The following GRIN3A variants were observed in gnomAD, a reference collection of about 807,000 sequenced individuals.
GRIN3A encodes glutamate ionotropic receptor NMDA type subunit 3A.
In GRIN3A, 47 loss-of-function variants were observed where a neutral mutation model predicts 92.4. The observed-to-expected ratio is 0.51, with a 90% CI of 0.40 to 0.65. The LOEUF (loss-of-function observed/expected upper bound fraction) is 0.65. Among genes scored for constraint, GRIN3A ranks in the 30% least tolerant of loss-of-function variants. The pLI, the probability that GRIN3A is intolerant of heterozygous loss-of-function variation, is 0.00. For synonymous variants in GRIN3A, 527 were observed against 540.6 expected (o/e 0.97, Z 0.35); for missense variants, 1,324 against 1,393.1 (o/e 0.95, Z 0.79).
intron 1 of GRIN3A, among the ~76,000 whole-genome samples, chr9:101,713,040 A>G (rs1365044200): frequency 6.6e-6 from 1 of 152,148 alleles, no homozygotes; most frequent in Admixed American, 6.5e-5. Context: ...AACCCAGGTA[A>G]TCTGGGTCTT....
rs28504973 is a variant in GRIN3A, at chr9:101,621,241, A to T, written c.2614+2077T>A. Among the ~76,000 whole-genome samples, 1,094 of 151,182 alleles carry T rather than the reference A, an allele frequency of 7.2e-3. 12 individuals carry two copies. Among genetic ancestry groups the T allele is most frequent in the African/African-American group, 0.026 (1,054 of 41,166 alleles). ...CAGAGGTTGCAGTGAGCTGAGATTGAGCCACTGCACTCCAGCCTGGATGAT... is the reference window on the plus strand; with the variant it reads ...CAGAGGTTGCAGTGAGCTGAGATTGTGCCACTGCACTCCAGCCTGGATGAT... On this transcript the variant is annotated intron_variant, in intron 5 of 8. Coordinates refer to ENST00000361820, the MANE Select transcript of GRIN3A (RefSeq NM_133445.3).
At chr9:101,635,492 C>T (rs1216027712) in intron 3 of GRIN3A, among the ~76,000 whole-genome samples, 2 of 152,208 alleles carry the variant, frequency 1.3e-5, no homozygotes, top group African/African-American at 4.8e-5. Context: ...TTGAATCTAA[C>T]TAGCTTCTTG....
At chr9:101,695,199 T>G (rs886980440) in intron 1 of GRIN3A, among the ~76,000 whole-genome samples, 2 of 152,172 alleles carry the variant, frequency 1.3e-5, no homozygotes, top group Non-Finnish European at 2.9e-5. Context: ...CTAAGAGACC[T>G]GATGTGCAAG....
intron 6 of GRIN3A, among the ~76,000 whole-genome samples, chr9:101,604,526 G>A (rs1294608764): frequency 1.3e-5 from 2 of 152,206 alleles, no homozygotes; most frequent in East Asian, 3.9e-4. Flanking sequence ...CAGCTGTCAA[G>A]GTGGCTCTTG....
At chr9:101,651,207 C>G (rs905339535) in intron 3 of GRIN3A, among the ~76,000 whole-genome samples, 2 of 151,880 alleles carry the variant, frequency 1.3e-5, no homozygotes, top group Admixed American at 1.3e-4. Flanking sequence ...TAGTTAGGGT[C>G]CTTGGGTCAG....
At chr9:101,630,479 C>T (rs1828696551) in intron 3 of GRIN3A, among the ~76,000 whole-genome samples, 1 of 152,198 alleles carries the variant, frequency 6.6e-6, no homozygotes, top group Admixed American at 6.5e-5. Flanking sequence ...TGTCTATCAT[C>T]TTTTTACATA....
rs745454499 is a variant in GRIN3A, at chr9:101,671,055, C to G, written c.1357G>C (p.Gly453Arg). 1.9e-6 allele frequency: 3 copies of G among 1,613,720 alleles called. No homozygotes were observed. In the South Asian group the frequency reaches 3.3e-5, roughly 18 times the overall value. Residue 453 changes from glycine to arginine, a missense_variant, in exon 3 of 9, where the codon GGT (glycine) becomes CGT (arginine). Gly to Arg is a moderately radical substitution (Grantham distance 125, BLOSUM62 -2). Coordinates refer to ENST00000361820, the MANE Select transcript of GRIN3A (RefSeq NM_133445.3). Reference protein sequence around the residue: ...RGLSGSIRVKGSTIVSSENNF... With the variant: ...RGLSGSIRVKRSTIVSSENNF... The stretch of plus-strand genomic sequence containing the variant: ...TTTTCTGAGCTGACGATGGTGGAAC[C>G]TTTTACTCTGATGGAACCACTGAGG...
At chr9:101,691,754 T>G (rs1829623724) in intron 1 of GRIN3A, among the ~76,000 whole-genome samples, 1 of 152,150 alleles carries the variant, frequency 6.6e-6, no homozygotes. Flanking sequence ...GGGGCCACTG[T>G]CTTCTTCAGC....
chr9:101,711,123 A>G (rs1183864319), intron 1 of GRIN3A, among the ~76,000 whole-genome samples: 1 of 152,122 alleles, frequency 6.6e-6, no homozygotes, highest in Non-Finnish European at 1.5e-5. Context: ...ATGTGATGAG[A>G]TGAAGTGAGG....
Position 101,686,863 on chromosome 9 carries a change from C to G in GRIN3A, c.1037G>C (p.Gly346Ala). 1 of 1,614,216 alleles carries G rather than the reference C, an allele frequency of 6.2e-7. No individual in the cohort carries two copies. The highest frequency in any genetic ancestry group is 8.5e-7 in the Non-Finnish European group (1 of 1,180,046). The change falls in exon 2 of 9, where the codon GGG becomes GCG. Residue 346 changes from glycine (G) to alanine (A), a missense_variant. By Grantham distance (60) the Gly-to-Ala change is moderately conservative (BLOSUM62 0). Transcript: ENST00000361820. Reference protein sequence around the residue: ...RRIFEITTQFGVMPPELRWVL... With the variant: ...RRIFEITTQFAVMPPELRWVL... ...CCAACGAAGTTCAGGGGGCATGACCCCAAACTGGGTTGTAATTTCGAAAAT... is the reference window on the plus strand; with the variant it reads ...CCAACGAAGTTCAGGGGGCATGACCGCAAACTGGGTTGTAATTTCGAAAAT...
intron 3 of GRIN3A, among the ~76,000 whole-genome samples, chr9:101,633,067 G>A (rs973814804): frequency 2.0e-5 from 3 of 152,162 alleles, no homozygotes; most frequent in African/African-American, 7.2e-5. Flanking sequence ...CCTACATGGA[G>A]AATAATCAGA....
intron 1 of GRIN3A, among the ~76,000 whole-genome samples, chr9:101,719,141 G>A (rs1447861424): frequency 3.3e-5 from 5 of 152,100 alleles, no homozygotes; most frequent in African/African-American, 1.2e-4. Context: ...GTGGTGGGCC[G>A]GGCGCAGTGG....
chr9:101,702,319 T>A (rs1245353898), intron 1 of GRIN3A, among the ~76,000 whole-genome samples: 2 of 152,148 alleles, frequency 1.3e-5, no homozygotes, highest in African/African-American at 2.4e-5. Flanking sequence ...AAAATTTTTT[T>A]ATTTATTCAC....
At chr9:101,703,269 G>A (rs1829776189) in intron 1 of GRIN3A, among the ~76,000 whole-genome samples, 1 of 152,122 alleles carries the variant, frequency 6.6e-6, no homozygotes, top group Admixed American at 6.5e-5. Context: ...CCACCCACGT[G>A]GTCCCAAAGC....
At chr9:101,634,761 G>A (rs1266617432) in intron 3 of GRIN3A, among the ~76,000 whole-genome samples, 1 of 152,092 alleles carries the variant, frequency 6.6e-6, no homozygotes, top group African/African-American at 2.4e-5. Context: ...TATTTGTGCT[G>A]CAACTTCAGA....
At chr9:101,661,458 T>A (rs1829170806) in intron 3 of GRIN3A, among the ~76,000 whole-genome samples, 1 of 151,854 alleles carries the variant, frequency 6.6e-6, no homozygotes, top group South Asian at 2.1e-4. Context: ...TACATATGCA[T>A]ATTACAAAAT....
intron 1 of GRIN3A, among the ~76,000 whole-genome samples, chr9:101,725,887 C>T (rs1332665962): frequency 6.6e-6 from 1 of 152,178 alleles, no homozygotes. Context: ...GTCAGACAGA[C>T]CTTACTTTAC....
intron 1 of GRIN3A, among the ~76,000 whole-genome samples, chr9:101,728,671 T>G (rs1026426718): frequency 1.4e-4 from 21 of 152,208 alleles, no homozygotes; most frequent in African/African-American, 5.1e-4. Context: ...CCACTGTTAC[T>G]AAAATTTCAA....
At chr9:101,596,343 G>A (rs1441462371) in intron 6 of GRIN3A, among the ~76,000 whole-genome samples, 2 of 151,658 alleles carry the variant, frequency 1.3e-5, no homozygotes, top group African/African-American at 2.4e-5. Context: ...CTGTTATATT[G>A]GAATGTTTTT....
Sources: gnomAD v4.1 joint callset for allele counts (sites outside exome capture counted in the v4.1 genomes callset) on GRCh38, gnomAD v4.1.1 for gene constraint, MANE v1.5 for transcripts, NCBI Gene and HGNC (gene_info 2026-07-23, HGNC 2026-07-21) for gene names.